Variants in PCA3 observed in about 807,000 individuals in gnomAD.
The protein encoded by PCA3 is prostate cancer associated 3, also known as Differential Display code 3.
chr9:76,778,792 G>A (rs1267695049), intron 2 of PCA3: 1 of 152,226 alleles, frequency 6.6e-6, no homozygotes, highest in East Asian at 1.9e-4. Context: ...TGGTGGAACT[G>A]AGAAATGGCA....
intron 2 of PCA3, among the ~76,000 whole-genome samples, chr9:76,773,179 T>C (rs541760220): frequency 6.6e-6 from 1 of 152,368 alleles, no homozygotes; most frequent in South Asian, 2.1e-4. Context: ...TCTTTTGTTG[T>C]TGTTGGGATT....
chr9:76,775,913 T>G (rs1361859), intron 2 of PCA3, among the ~76,000 whole-genome samples: 23,956 of 145,590 alleles, frequency 0.16, 1,952 homozygotes, highest in African/African-American at 0.24. Context: ...CCTCCTCCTA[T>G]GACTACACAT....
intron 2 of PCA3, among the ~76,000 whole-genome samples, chr9:76,775,330 T>C (rs977490921): frequency 3.3e-4 from 50 of 152,128 alleles, no homozygotes; most frequent in African/African-American, 1.2e-3. Context: ...AAGGTCTCAC[T>C]CTGTCTCCCA....
chr9:76,785,106 C>T (rs1401146030), intron 2 of PCA3: 1 of 152,274 alleles, frequency 6.6e-6, no homozygotes, highest in African/African-American at 2.4e-5. Context: ...CCCCATCCCT[C>T]CAGCCTTATC....
intron 2 of PCA3, among the ~76,000 whole-genome samples, chr9:76,776,186 C>A (rs997613945): frequency 2.0e-5 from 3 of 152,194 alleles, no homozygotes; most frequent in Non-Finnish European, 4.4e-5. Context: ...AGTTTTGTTA[C>A]ATGGATATTG....
At chr9:76,768,583 A>G (rs13296713) in intron 2 of PCA3, among the ~76,000 whole-genome samples, 5,770 of 103,086 alleles carry the variant, frequency 0.056, 124 homozygotes, top group South Asian at 0.11. Flanking sequence ...ATGTATATGT[A>G]TGTGTGTGTG....
At chr9:76,774,469 T>TATTTATTTATTTA (rs1172601108) in intron 2 of PCA3, among the ~76,000 whole-genome samples, 40 of 140,130 alleles carry the variant, frequency 2.9e-4, no homozygotes, top group African/African-American at 8.0e-4. Context: ...TTTTTTTTTT[T>TATTTATTTATTTA]TTTTTTTTGA....
intron 2 of PCA3, among the ~76,000 whole-genome samples, chr9:76,775,919 CA>C (rs5898505): frequency 0.53 from 80,346 of 151,940 alleles, 22,974 homozygotes; most frequent in African/African-American, 0.75. Flanking sequence ...CCTATGACTA[CA>C]CATCCCTAAA....
At chr9:76,787,518 CACAT>C (rs1388452730) in intron 2 of PCA3, 1 of 152,098 alleles carries the variant, frequency 6.6e-6, no homozygotes, top group African/African-American at 2.4e-5. Context: ...AACAAACCTA[CACAT>C]TCTGCACATG....
chr9:76,768,824 T>C (rs1024589659), intron 2 of PCA3, among the ~76,000 whole-genome samples: 1 of 152,232 alleles, frequency 6.6e-6, no homozygotes, highest in Admixed American at 6.5e-5. Context: ...AGACTCTGTA[T>C]GGATTCTATG....
chr9:76,786,227 T>C (rs1343951872), intron 2 of PCA3: 1 of 129,954 alleles, frequency 7.7e-6, no homozygotes, highest in Non-Finnish European at 1.5e-5. Context: ...TCCCTCTTTG[T>C]GTTCATGGAT....
At chr9:76,777,830 G>T (rs1184733105) in intron 2 of PCA3, among the ~76,000 whole-genome samples, 1 of 152,156 alleles carries the variant, frequency 6.6e-6, no homozygotes, top group Non-Finnish European at 1.5e-5. Flanking sequence ...TTTGAGCAGA[G>T]AATTGAAATA....
intron 2 of PCA3, among the ~76,000 whole-genome samples, chr9:76,767,463 G>A (rs1171753917): frequency 1.4e-5 from 2 of 140,446 alleles, no homozygotes; most frequent in African/African-American, 5.7e-5. Context: ...AAAAAAAAAA[G>A]AAAGAAAGAA....
chr9:76,769,243 C>T (rs1030583147), intron 2 of PCA3, among the ~76,000 whole-genome samples: 1 of 152,206 alleles, frequency 6.6e-6, no homozygotes, highest in Admixed American at 6.5e-5. Flanking sequence ...AAATTATACA[C>T]ACTATTCTGC....
At chr9:76,786,878 G>A (rs2055040013) in intron 2 of PCA3, 1 of 152,202 alleles carries the variant, frequency 6.6e-6, no homozygotes, top group African/African-American at 2.4e-5. Context: ...CCATGCAAAT[G>A]AGAAACCCAG....
intron 2 of PCA3, chr9:76,784,175 TG>T (rs1397842733): frequency 6.6e-6 from 1 of 152,206 alleles, no homozygotes; most frequent in Non-Finnish European, 1.5e-5. Context: ...GCCCTGTGCC[TG>T]GTCCCGCTTG....
chr9:76,770,168 T>A (rs544759538), intron 2 of PCA3, among the ~76,000 whole-genome samples: 1 of 152,304 alleles, frequency 6.6e-6, no homozygotes, highest in South Asian at 2.1e-4. Context: ...ACATTTATAG[T>A]AAAACTTTTT....
chr9:76,774,453 T>TTTTTATTTATTTATTTATTTATTTA (rs1554761597), intron 2 of PCA3, among the ~76,000 whole-genome samples: 21 of 122,218 alleles, frequency 1.7e-4, no homozygotes, highest in South Asian at 2.9e-4. Flanking sequence ...TTCAACCCTT[T>TTTTTATTTATTTATTTATTTATTTA]TTTTTTTTTT....
At chr9:76,767,722 G>A (rs929787564) in intron 2 of PCA3, among the ~76,000 whole-genome samples, 2 of 152,020 alleles carry the variant, frequency 1.3e-5, no homozygotes, top group African/African-American at 2.4e-5. Flanking sequence ...TGCATCTCTC[G>A]TGAATCTTTA....
Sources: allele counts gnomAD v4.1 joint callset (sites outside exome capture counted in the v4.1 genomes callset), GRCh38; gene constraint gnomAD v4.1.1; transcripts MANE v1.5; gene names NCBI Gene and HGNC (gene_info 2026-07-23, HGNC 2026-07-21).